Variants in GLO1 observed in about 807,000 individuals in gnomAD.
GLO1 encodes the protein lactoylglutathione lyase.
In GLO1, 28 loss-of-function variants were observed where a neutral mutation model predicts 26.0. That is an observed-to-expected ratio of 1.08 (90% CI 0.80 to 1.48). The LOEUF (loss-of-function observed/expected upper bound fraction) is 1.48. Ranked by LOEUF, GLO1 falls within the 40% of genes most tolerant of loss-of-function variation. GLO1 has a pLI of 0.00. For missense variants in GLO1, 225 were observed against 224.8 expected, an observed-to-expected ratio of 1.00 and a Z score of -0.01; for synonymous variants, 78 against 77.6, an observed-to-expected ratio of 1.00 and a Z score of -0.03.
chr6:38,681,293 A>C (rs771187675), intron 5 of GLO1, among the ~76,000 whole-genome samples: 47 of 152,120 alleles, frequency 3.1e-4, no homozygotes, highest in Non-Finnish European at 5.7e-4. Context: ...GGATCTCCTG[A>C]CCTCGTGATC....
intron 3 of GLO1, 97 bp from the exon 4 acceptor site, chr6:38,682,972 C>G: frequency 1.3e-6 from 1 of 771,548 alleles, no homozygotes; most frequent in South Asian, 1.5e-5. Flanking sequence ...TTATATGCTA[C>G]TTTACATAAT....
In GLO1 at chr6:38,686,963, CA is replaced by C; in HGVS notation, c.95del (p.Leu32CysfsTer8). On this transcript the variant is annotated frameshift_variant, in exon 2 of 6. Coordinates refer to ENST00000373365, the MANE Select transcript of GLO1 (RefSeq NM_006708.3). LOFTEE classifies it high-confidence loss of function. ...DADPSTKDFL[L>X]QQTMLRVKDP... The stretch of plus-strand genomic sequence containing the variant: ...CCTTCACTCGTAGCATGGTCTGCTG[CA>C]ATAGAAAATCCTATGGAAAAATATT... 1 of 1,602,180 alleles carries C rather than the reference CA, an allele frequency of 6.2e-7. No individual in the cohort carries two copies. The highest frequency in any genetic ancestry group is 8.5e-7 in the Non-Finnish European group (1 of 1,170,678).
At chr6:38,697,710 G>A (rs558255314) in intron 1 of GLO1, among the ~76,000 whole-genome samples, 10 of 152,160 alleles carry the variant, frequency 6.6e-5, no homozygotes, top group Non-Finnish European at 5.9e-5. Context: ...AAGGGGAAAG[G>A]GTTTGTTAAC....
chr6:38,693,681 C>CTATATA (rs1200341644), intron 1 of GLO1, among the ~76,000 whole-genome samples: 218 of 94,326 alleles, frequency 2.3e-3, no homozygotes, highest in African/African-American at 6.6e-3. Flanking sequence ...CTCTCTCTCT[C>CTATATA]TCTCTATATA....
chr6:38,702,459 G>A (rs1303468746), intron 1 of GLO1, among the ~76,000 whole-genome samples: 1 of 151,938 alleles, frequency 6.6e-6, no homozygotes, highest in Non-Finnish European at 1.5e-5. Context: ...AGATGAGGAA[G>A]GCAAGAAGGG....
chr6:38,696,608 A>G (rs1215077197), intron 1 of GLO1, among the ~76,000 whole-genome samples: 1 of 152,140 alleles, frequency 6.6e-6, no homozygotes, highest in East Asian at 1.9e-4. Context: ...CTTTGTCCTC[A>G]TGACCTACCT....
intron 1 of GLO1, among the ~76,000 whole-genome samples, chr6:38,688,997 G>A (rs1342034086): frequency 6.6e-6 from 1 of 152,192 alleles, no homozygotes; most frequent in Non-Finnish European, 1.5e-5. Context: ...GATTCCAAGT[G>A]TGAGAAGGGG....
intron 1 of GLO1, 57 bp from the exon 2 acceptor site, chr6:38,687,031 T>C: frequency 6.5e-7 from 1 of 1,536,044 alleles, no homozygotes; most frequent in Non-Finnish European, 8.9e-7. Context: ...TTACCAACAT[T>C]AATTGTGCTT....
intron 1 of GLO1, among the ~76,000 whole-genome samples, chr6:38,697,441 A>C (rs1487076082): frequency 6.6e-6 from 1 of 152,222 alleles, no homozygotes; most frequent in Non-Finnish European, 1.5e-5. Flanking sequence ...ACCCTAGGGC[A>C]GAAGGCCCCA....
chr6:38,683,790 G>A (rs1219828057), intron 3 of GLO1, among the ~76,000 whole-genome samples: 1 of 152,150 alleles, frequency 6.6e-6, no homozygotes, highest in Non-Finnish European at 1.5e-5. Flanking sequence ...GGGAGGCTGA[G>A]GCAGGAGAAT....
In GLO1 at chr6:38,703,082, G is replaced by C; in HGVS notation, c.-28C>G. On this transcript the variant is annotated 5_prime_UTR_variant, in exon 1 of 6. Coordinates refer to ENST00000373365, the MANE Select transcript of GLO1 (RefSeq NM_006708.3). Reference sequence around the variant, plus strand: ...CTGCGCTGCAGTATCACAGACGACGGGACCCAAGGAACGGAGGAGTCACCC... The same window carrying C: ...CTGCGCTGCAGTATCACAGACGACGCGACCCAAGGAACGGAGGAGTCACCC... 2 of 1,352,936 alleles carry C rather than the reference G, an allele frequency of 1.5e-6. No individual in the cohort carries two copies. The highest frequency in any genetic ancestry group is 1.5e-5 in the African/African-American group (1 of 67,462). 83.8% of individuals were successfully genotyped at this position (1,352,936 alleles called of 1,614,324 possible).
At position 38,678,409 on chromosome 6, in the gene GLO1, G is replaced by GGAAAAGAAAAGAAAA. The variant is rs67239641; in HGVS notation, c.467-1041_467-1027dup. Among the ~76,000 whole-genome samples, 367 of 142,180 alleles carry GGAAAAGAAAAGAAAA rather than the reference G, an allele frequency of 2.6e-3. 1 individual carries two copies. Among genetic ancestry groups the GGAAAAGAAAAGAAAA allele is most frequent in the African/African-American group, 9.2e-3 (337 of 36,822 alleles). 93.3% of individuals were successfully genotyped at this position (142,180 alleles called of 152,430 possible). A position where few individuals can be genotyped will look rare whatever the true frequency, so the allele number is the denominator to read the frequency against. On this transcript the variant is annotated intron_variant, in intron 5 of 5. Coordinates refer to ENST00000373365, the MANE Select transcript of GLO1 (RefSeq NM_006708.3). Reference sequence around the variant, plus strand: ...AAGGAAGGAAGGAAGGAAAAGAAAAGGAAAAGAAAAGAAAAGAAAAGAAAA... The same window carrying GGAAAAGAAAAGAAAA: ...AAGGAAGGAAGGAAGGAAAAGAAAAGGAAAAGAAAAGAAAAGAAAAGAAAAGAAAAGAAAAGAAAA...
At position 38,700,620 on chromosome 6, in the gene GLO1, A is replaced by C. The variant is rs1275185789; in HGVS notation, c.84+2351T>G. ...GTGCTCTCAGGGTGATTTATATTTC[A>C]ATAGCACACTAACCCCAGGTCCATT... On this transcript the variant is annotated intron_variant, in intron 1 of 5. Coordinates refer to ENST00000373365, the MANE Select transcript of GLO1 (RefSeq NM_006708.3). 2.0e-5 allele frequency among the ~76,000 whole-genome samples: 3 copies of C among 152,166 alleles called. No individual in the cohort carries two copies. The East Asian group carries it at 5.8e-4, about 29-fold the overall frequency.
chr6:38,677,130 AAC>A lies in GLO1; in HGVS notation c.*163_*164del. The A allele has an allele frequency of 1.6e-6, 1 of 634,038 alleles. No individual in the cohort carries two copies. 39.3% of individuals were successfully genotyped at this position (634,038 alleles called of 1,614,324 possible). ...CACTGCTTGAAAACCAGAATGACTGAACAGTTAGGTGAAAAGGAACAGCTGAA... is the reference window on the plus strand; with the variant it reads ...CACTGCTTGAAAACCAGAATGACTGAAGTTAGGTGAAAAGGAACAGCTGAA... On this transcript the variant is annotated 3_prime_UTR_variant, in exon 6 of 6. Coordinates refer to ENST00000373365, the MANE Select transcript of GLO1 (RefSeq NM_006708.3).
At chr6:38,687,652 G>C (rs1038846766) in intron 1 of GLO1, among the ~76,000 whole-genome samples, 1 of 152,136 alleles carries the variant, frequency 6.6e-6, no homozygotes, top group African/African-American at 2.4e-5. Flanking sequence ...CTGAGAAAAG[G>C]GTAGAAGGTA....
chr6:38,688,532 C>T (rs1195254457), intron 1 of GLO1, among the ~76,000 whole-genome samples: 1 of 152,190 alleles, frequency 6.6e-6, no homozygotes, highest in Admixed American at 6.5e-5. Context: ...CCTTCTTTCC[C>T]AGCTAATATG....
chr6:38,691,794 T>G (rs1260091183), intron 1 of GLO1, among the ~76,000 whole-genome samples: 2 of 152,122 alleles, frequency 1.3e-5, no homozygotes, highest in African/African-American at 4.8e-5. Flanking sequence ...GCTTCATTTT[T>G]AACCTAAGGA....
intron 1 of GLO1, among the ~76,000 whole-genome samples, chr6:38,688,046 T>G (rs534834655): frequency 6.6e-6 from 1 of 152,208 alleles, no homozygotes; most frequent in African/African-American, 2.4e-5. Context: ...TAGGAAATTA[T>G]ATTTTTCTCT....
intron 5 of GLO1, among the ~76,000 whole-genome samples, chr6:38,678,257 C>T (rs1003191599): frequency 3.9e-5 from 6 of 151,910 alleles, no homozygotes; most frequent in African/African-American, 1.5e-4. Context: ...TCTCTGCCTC[C>T]TTTCTCCAAG....
Sources: allele counts gnomAD v4.1 joint callset (sites outside exome capture counted in the v4.1 genomes callset), GRCh38; gene constraint gnomAD v4.1.1; transcripts MANE v1.5; gene names NCBI Gene and HGNC (gene_info 2026-07-23, HGNC 2026-07-21).